THSD7B: variants seen among roughly 807,000 people sequenced by gnomAD.
THSD7B encodes thrombospondin type-1 domain-containing protein 7B.
A neutral mutation model predicts 213.6 loss-of-function variants in THSD7B; 138 were observed. That is an observed-to-expected ratio of 0.65 (90% confidence interval 0.56 to 0.74). THSD7B has a LOEUF of 0.74. THSD7B is among the 30% of genes least tolerant of loss of function. THSD7B has a pLI of 0.00. For synonymous variants in THSD7B, 742 were observed against 687.0 expected (o/e 1.08, Z -1.25); for missense variants, 1,931 against 1,991.5 (o/e 0.97, Z 0.58).
chr2:137,164,582 T>A (rs929936254), intron 6 of THSD7B, among the ~76,000 whole-genome samples: 10 of 152,174 alleles, frequency 6.6e-5, no homozygotes, highest in African/African-American at 2.4e-4. Flanking sequence ...CATGCACACA[T>A]ATGTTTGTTG....
intron 2 of THSD7B, among the ~76,000 whole-genome samples, chr2:136,886,040 C>T (rs1558838240): frequency 6.6e-6 from 1 of 151,982 alleles, no homozygotes; most frequent in African/African-American, 2.4e-5. Flanking sequence ...ATGGTGGGAA[C>T]AAGAAGGACA....
At chr2:137,106,459 C>T (rs559354356) in intron 4 of THSD7B, among the ~76,000 whole-genome samples, 5 of 152,238 alleles carry the variant, frequency 3.3e-5, no homozygotes, top group South Asian at 2.1e-4. Flanking sequence ...AAAACCTAGG[C>T]GATAGCATTC....
At chr2:137,351,795 T>C (rs892623049) in intron 12 of THSD7B, among the ~76,000 whole-genome samples, 1 of 151,894 alleles carries the variant, frequency 6.6e-6, no homozygotes, top group Non-Finnish European at 1.5e-5. Context: ...GATGGCCTTT[T>C]AATAATATTA....
intron 1 of THSD7B, among the ~76,000 whole-genome samples, chr2:136,838,509 G>A (rs146059935): frequency 6.2e-4 from 95 of 152,254 alleles, no homozygotes; most frequent in African/African-American, 2.2e-3. Context: ...AGAGCTTGGG[G>A]GAACATAACC....
intron 15 of THSD7B, among the ~76,000 whole-genome samples, chr2:137,550,757 C>T (rs190717500): frequency 2.8e-4 from 42 of 152,100 alleles, no homozygotes; most frequent in Admixed American, 2.2e-3. Context: ...GATGGTTTAG[C>T]TTGGAGTAGG....
chr2:137,403,987 A>G (rs187209839), intron 12 of THSD7B, among the ~76,000 whole-genome samples: 18 of 152,326 alleles, frequency 1.2e-4, no homozygotes, highest in African/African-American at 4.3e-4. Context: ...TGATCTAGAG[A>G]ATATAAATGT....
chr2:136,771,651 C>T (rs1681507430), intron 1 of THSD7B, among the ~76,000 whole-genome samples: 1 of 152,108 alleles, frequency 6.6e-6, no homozygotes, highest in Admixed American at 6.5e-5. Context: ...ACTGATGATG[C>T]CAATTCACAA....
At chr2:137,182,483 A>G (rs1461547264) in intron 7 of THSD7B, among the ~76,000 whole-genome samples, 1 of 152,026 alleles carries the variant, frequency 6.6e-6, no homozygotes, top group Non-Finnish European at 1.5e-5. Context: ...GAAGCTGCCT[A>G]TAGTGTATGA....
intron 12 of THSD7B, among the ~76,000 whole-genome samples, chr2:137,376,914 G>A (rs532746791): frequency 1.8e-4 from 28 of 152,192 alleles, no homozygotes; most frequent in Middle Eastern, 3.4e-3. Context: ...GCATCTCATC[G>A]TTAGCTTTCA....
At chr2:137,129,620 C>T (rs1399105228) in intron 5 of THSD7B, among the ~76,000 whole-genome samples, 1 of 151,762 alleles carries the variant, frequency 6.6e-6, no homozygotes, top group Admixed American at 6.6e-5. Flanking sequence ...AAAAAAATAG[C>T]TTTAGAGATG....
At chr2:136,792,695 C>A (rs1039710169) in intron 1 of THSD7B, among the ~76,000 whole-genome samples, 3 of 151,972 alleles carry the variant, frequency 2.0e-5, no homozygotes, top group Non-Finnish European at 4.4e-5. Flanking sequence ...ACCAAAGTTC[C>A]TCTGGGATTA....
At chr2:137,500,766 A>G (rs772742043) in intron 15 of THSD7B, among the ~76,000 whole-genome samples, 1 of 152,210 alleles carries the variant, frequency 6.6e-6, no homozygotes, top group Admixed American at 6.5e-5. Flanking sequence ...ACATGTTAGT[A>G]AAACATGTCG....
intron 15 of THSD7B, among the ~76,000 whole-genome samples, chr2:137,516,388 G>A (rs1255108795): frequency 2.6e-5 from 4 of 152,102 alleles, no homozygotes; most frequent in Non-Finnish European, 4.4e-5. Context: ...TCCCCTTGAC[G>A]AAGGACCCCA....
At chr2:137,072,398 G>A (rs981121925) in intron 3 of THSD7B, among the ~76,000 whole-genome samples, 5 of 147,628 alleles carry the variant, frequency 3.4e-5, no homozygotes, top group African/African-American at 1.3e-4. Context: ...TCATGATTTG[G>A]CTCTCTGTCT....
intron 12 of THSD7B, among the ~76,000 whole-genome samples, chr2:137,358,211 A>G (rs1422926952): frequency 2.0e-5 from 3 of 152,230 alleles, no homozygotes; most frequent in African/African-American, 7.2e-5. Flanking sequence ...TCTACAAACC[A>G]TTCTAAGATT....
rs528612993 is a variant in THSD7B, at chr2:137,233,023, T to G, written c.2040T>G (p.Thr680=). The change falls in exon 9 of 28, where the codon ACT becomes ACG. Residue 680 remains threonine (T), a synonymous_variant. Transcript: ENST00000409968. Reference sequence around the variant, plus strand: ...CTTGTTCTGAGGACACATTGGTAACTGCCCTTAATGCAACCATTGGCTGGA... The same window carrying G: ...CTTGTTCTGAGGACACATTGGTAACGGCCCTTAATGCAACCATTGGCTGGA... ...WGPCSEDTLV[T]ALNATIGWNG... The G allele has an allele frequency of 3.4e-4, 546 of 1,613,962 alleles. 4 individuals are homozygous for G. The highest frequency in any genetic ancestry group is 2.9e-3 in the South Asian group (267 of 91,084).
chr2:137,013,745 G>A (rs989755243), intron 2 of THSD7B, among the ~76,000 whole-genome samples: 1 of 152,088 alleles, frequency 6.6e-6, no homozygotes, highest in Non-Finnish European at 1.5e-5. Flanking sequence ...CTGCTTCAAG[G>A]AGGGTTCTCA....
chr2:137,417,106 T>G (rs1686816430), intron 14 of THSD7B, among the ~76,000 whole-genome samples: 1 of 152,202 alleles, frequency 6.6e-6, no homozygotes, highest in South Asian at 2.1e-4. Context: ...TACTGTAATA[T>G]ATAAGTAGGT....
chr2:137,578,488 A>C (rs1423439769), intron 17 of THSD7B, among the ~76,000 whole-genome samples: 1 of 152,204 alleles, frequency 6.6e-6, no homozygotes, highest in Non-Finnish European at 1.5e-5. Context: ...ACCATTTGTT[A>C]ATGACCTAAC....
Sources: gnomAD v4.1 joint callset for allele counts (sites outside exome capture counted in the v4.1 genomes callset) on GRCh38, gnomAD v4.1.1 for gene constraint, MANE v1.5 for transcripts, NCBI Gene and HGNC (gene_info 2026-07-23, HGNC 2026-07-21) for gene names.